The following NRG2 variants were observed in gnomAD, a reference collection of about 807,000 sequenced individuals.
The protein encoded by NRG2 is neuregulin 2.
In NRG2, 27 loss-of-function variants were observed where a neutral mutation model predicts 73.9. The ratio of observed to expected loss-of-function variants is 0.37; its 90% confidence interval spans 0.27 to 0.50. The LOEUF is 0.50. Ranked by LOEUF, NRG2 falls within the 20% of genes least tolerant of loss-of-function variation. NRG2 has a pLI of 0.96. For missense variants in NRG2, 1,126 were observed against 1,210.1 expected (o/e 0.93, Z 1.03); for synonymous variants, 532 against 541.0 (o/e 0.98, Z 0.23).
intron 2 of NRG2, among the ~76,000 whole-genome samples, chr5:139,883,053 T>C (rs1446256377): frequency 4.6e-5 from 7 of 151,380 alleles, no homozygotes; most frequent in Non-Finnish European, 1.0e-4. Context: ...GCTCTGAGGG[T>C]TTCTCAGCCC....
At position 139,851,307 on chromosome 5, in the gene NRG2, C is replaced by T. The variant is rs1761401000; in HGVS notation, c.1772+297G>A. Among the ~76,000 whole-genome samples, 1 of 152,090 alleles carries T rather than the reference C, an allele frequency of 6.6e-6. No homozygotes were observed. On this transcript the variant is annotated intron_variant, in intron 9 of 9. Coordinates refer to ENST00000361474, the MANE Select transcript of NRG2 (RefSeq NM_004883.3). The surrounding 1 kb of genome is among the most constrained non-coding windows in gnomAD (Gnocchi z 4.2). ...CGGCTGCCTGTTTGTTCTTGATGTT[C>T]CAGTGTAACTATTAATAATGTCCTT...
chr5:139,897,596 TGGGTAG>T (rs912149415), intron 1 of NRG2, among the ~76,000 whole-genome samples: 2 of 152,222 alleles, frequency 1.3e-5, no homozygotes, highest in Non-Finnish European at 2.9e-5. Flanking sequence ...TGTCTGTCAC[TGGGTAG>T]GTGTTCACTG....
At chr5:139,882,514 C>T (rs1763585707) in intron 2 of NRG2, among the ~76,000 whole-genome samples, 1 of 152,202 alleles carries the variant, frequency 6.6e-6, no homozygotes, top group African/African-American at 2.4e-5. Context: ...GGCCCACAAC[C>T]CTCTTCTGTC....
chr5:139,984,811 A>G (rs956653137), intron 1 of NRG2, among the ~76,000 whole-genome samples: 1 of 152,242 alleles, frequency 6.6e-6, no homozygotes, highest in African/African-American at 2.4e-5. Flanking sequence ...CGTAAGAATC[A>G]GGGCCCAAGT....
At chr5:139,873,952 C>T (rs1000204831) in intron 3 of NRG2, among the ~76,000 whole-genome samples, 2 of 152,192 alleles carry the variant, frequency 1.3e-5, no homozygotes, top group African/African-American at 4.8e-5. Context: ...GTCATGGGGA[C>T]GAGGCTGGGA....
rs141173616 is a variant in NRG2 at position 139,873,835 on chromosome 5, A to G, written c.992-1994T>C. Among the ~76,000 whole-genome samples the G allele has an allele frequency of 3.7e-4, 57 of 152,360 alleles. No individual in the cohort carries two copies. The Middle Eastern group carries it at 0.017, about 45-fold the overall frequency. ...ACAGTTGCACACTTGGGCTTCTCAC[A>G]TATATGTCTGTGCTCATCGAGGCTT... is the stretch of plus-strand genomic sequence containing the variant. On this transcript the variant is annotated intron_variant, in intron 3 of 9. Transcript: ENST00000361474.
At chr5:140,042,317 T>A in intron 1 of NRG2, 53 bp downstream of exon 1, 7 of 987,550 alleles carry the variant, frequency 7.1e-6, no homozygotes, top group Non-Finnish European at 7.8e-6. Flanking sequence ...ACCCCCATTC[T>A]CCACCACCTC....
Position 139,870,718 on chromosome 5 carries a change from C to A in NRG2, c.1112+1003G>T, listed in dbSNP as rs1376824554. Among the ~76,000 whole-genome samples the A allele has an allele frequency of 6.6e-6, 1 of 152,186 alleles. No individual in the cohort carries two copies. The highest frequency in any genetic ancestry group is 1.5e-5 in the Non-Finnish European group (1 of 68,026). Reference sequence around the variant, plus strand: ...ACACTGAAGTTATTAACTAGGCCCCCCTCCCACTCCTCTCCTAGATCTGTC... The same window carrying A: ...ACACTGAAGTTATTAACTAGGCCCCACTCCCACTCCTCTCCTAGATCTGTC... On this transcript the variant is annotated intron_variant, in intron 4 of 9. Transcript: ENST00000361474. The surrounding 1 kb of genome is among the most constrained non-coding windows in gnomAD (Gnocchi z 4.4).
At chr5:139,965,886 G>T (rs904633110) in intron 1 of NRG2, among the ~76,000 whole-genome samples, 2 of 152,064 alleles carry the variant, frequency 1.3e-5, no homozygotes, top group African/African-American at 2.4e-5. Context: ...GGGGGAGAGG[G>T]GATTGTGGGC....
At chr5:140,005,953 C>T (rs1347710050) in intron 1 of NRG2, among the ~76,000 whole-genome samples, 1 of 152,188 alleles carries the variant, frequency 6.6e-6, no homozygotes, top group Non-Finnish European at 1.5e-5. Context: ...CCACTGGATT[C>T]CTACTCTAGA....
At position 139,904,433 on chromosome 5, in the gene NRG2, C is replaced by G; in HGVS notation, c.701-16922G>C. 1 of 1,304,940 alleles carries G rather than the reference C, an allele frequency of 7.7e-7. No homozygotes were observed. The highest frequency in any genetic ancestry group is 1.2e-5 in the South Asian group (1 of 80,428). The allele number at this position is 1,304,940 out of a possible 1,614,324, so 80.8% of individuals were successfully genotyped here. ...GTCCCAGGCGGTGGGACGGCCTCAG[C>G]TCTCCGCTGCCGCGCTGCGCCCCCG... On this transcript the variant is annotated intron_variant, in intron 1 of 9. Coordinates refer to ENST00000361474, the MANE Select transcript of NRG2 (RefSeq NM_004883.3). This position sits in a 1 kb window ranked among gnomAD's most constrained non-coding sequence, Gnocchi z 6.0.
intron 1 of NRG2, among the ~76,000 whole-genome samples, chr5:139,928,575 A>G (rs1752236929): frequency 6.6e-6 from 1 of 152,064 alleles, no homozygotes; most frequent in Non-Finnish European, 1.5e-5. Flanking sequence ...CTCTCCACTC[A>G]AGGATTTCTA....
chr5:140,015,758 T>C (rs1759719576), intron 1 of NRG2, among the ~76,000 whole-genome samples: 1 of 152,146 alleles, frequency 6.6e-6, no homozygotes, highest in Non-Finnish European at 1.5e-5. Flanking sequence ...CCTGCAGGCT[T>C]TAACCAAGGC....
intron 3 of NRG2, among the ~76,000 whole-genome samples, chr5:139,875,707 A>G (rs2127087034): frequency 6.6e-6 from 1 of 152,294 alleles, no homozygotes; most frequent in East Asian, 1.9e-4. Flanking sequence ...CAGGAAGATC[A>G]CTTGAGACCA....
At chr5:139,969,330 T>G (rs197197) in intron 1 of NRG2, among the ~76,000 whole-genome samples, 66,162 of 152,044 alleles carry the variant, frequency 0.44, 14,840 homozygotes, top group East Asian at 0.69. Context: ...GGCTGTTATC[T>G]GGAAGAAAGA....
intron 4 of NRG2, among the ~76,000 whole-genome samples, chr5:139,867,987 A>T (rs976758172): frequency 6.6e-6 from 1 of 152,044 alleles, no homozygotes; most frequent in African/African-American, 2.4e-5. Context: ...CCCTTATCTC[A>T]CACCCAGCCT....
At chr5:140,015,749 C>T (rs538775061) in intron 1 of NRG2, among the ~76,000 whole-genome samples, 1 of 152,282 alleles carries the variant, frequency 6.6e-6, no homozygotes, top group African/African-American at 2.4e-5. Flanking sequence ...GAGGGCTTCC[C>T]TGCAGGCTTT....
At chr5:140,013,081 A>G (rs548689687) in intron 1 of NRG2, among the ~76,000 whole-genome samples, 1 of 152,278 alleles carries the variant, frequency 6.6e-6, no homozygotes, top group East Asian at 1.9e-4. Context: ...CTCCTCCCTC[A>G]TACTCTCAGC....
At chr5:139,881,472 C>A (rs1157037315) in intron 2 of NRG2, among the ~76,000 whole-genome samples, 1 of 152,176 alleles carries the variant, frequency 6.6e-6, no homozygotes, top group African/African-American at 2.4e-5. Context: ...GGGGCTCTCC[C>A]TTGTTCTCAA....
Sources: gnomAD v4.1 joint callset for allele counts (sites outside exome capture counted in the v4.1 genomes callset) on GRCh38, gnomAD v4.1.1 for gene constraint, Gnocchi (gnomAD v3.1) non-coding constraint, MANE v1.5 for transcripts, NCBI Gene and HGNC (gene_info 2026-07-23, HGNC 2026-07-21) for gene names.